Variants in AIG1 observed in about 807,000 individuals in gnomAD.
AIG1 encodes the protein androgen-induced gene 1 protein.
In AIG1, 23 loss-of-function variants were observed where a neutral mutation model predicts 31.4. The observed-to-expected ratio is 0.73, with a 90% CI of 0.53 to 1.04. The LOEUF is 1.04. AIG1 is among the 50% of genes least tolerant of loss of function. The pLI is 0.00. For missense variants in AIG1, 274 were observed against 295.0 expected (o/e 0.93, Z 0.52); for synonymous variants, 100 against 110.5 (o/e 0.90, Z 0.60).
chr6:143,232,390 C>T (rs1003134929), intron 3 of AIG1, among the ~76,000 whole-genome samples: 3 of 152,130 alleles, frequency 2.0e-5, no homozygotes, highest in African/African-American at 4.8e-5. Flanking sequence ...CCATGAAGTG[C>T]GGTTCTTAGT....
At chr6:143,221,576 G>T (rs182626191) in intron 3 of AIG1, among the ~76,000 whole-genome samples, 2 of 152,258 alleles carry the variant, frequency 1.3e-5, no homozygotes, top group East Asian at 3.9e-4. Context: ...TGTGAGCCAA[G>T]AATTGTTCTA....
At chr6:143,119,111 G>T (rs1205121994) in intron 1 of AIG1, among the ~76,000 whole-genome samples, 1 of 151,848 alleles carries the variant, frequency 6.6e-6, no homozygotes, top group East Asian at 1.9e-4. Context: ...TAGGCCCAAG[G>T]GATCCACCCT....
intron 3 of AIG1, among the ~76,000 whole-genome samples, chr6:143,259,580 A>AT (rs1795604493): frequency 1.3e-5 from 2 of 152,186 alleles, no homozygotes; most frequent in South Asian, 4.1e-4. Context: ...TTATAGCTGC[A>AT]TTTATCACCT....
At chr6:143,192,231 C>T (rs919870143) in intron 3 of AIG1, among the ~76,000 whole-genome samples, 4 of 152,166 alleles carry the variant, frequency 2.6e-5, no homozygotes, top group African/African-American at 7.2e-5. Context: ...GGGCCTCTGC[C>T]GCCATGCATG....
Position 143,165,132 on chromosome 6 carries a change from A to G in AIG1, c.348A>G (p.Ile116Met). ...TTTATGCCTATGACAGAGAGATGAT[A>G]TACCCGAAGCTGCTGGATAATTTTA... The part of the protein sequence containing the change: ...WIIYAYDREM[I>M]YPKLLDNFIP... The change falls in exon 3 of 6, where the codon ATA becomes ATG. Residue 116 changes from isoleucine (I) to methionine (M), a missense_variant. Transcript: ENST00000357847. 1.2e-6 allele frequency: 2 copies of G among 1,613,712 alleles called. No homozygotes were observed. The highest frequency in any genetic ancestry group is 2.2e-5 in the South Asian group (2 of 91,080).
At chr6:143,310,857 C>A (rs1775210552) in intron 4 of AIG1, among the ~76,000 whole-genome samples, 1 of 151,684 alleles carries the variant, frequency 6.6e-6, no homozygotes, top group Non-Finnish European at 1.5e-5. Context: ...TAAAATGGAT[C>A]AAGTCCTGGA....
intron 2 of AIG1, among the ~76,000 whole-genome samples, chr6:143,159,964 T>G (rs1039449456): frequency 1.3e-5 from 2 of 152,204 alleles, no homozygotes; most frequent in Admixed American, 1.3e-4. Context: ...AAAAGAAATC[T>G]GGAAGCAAGG....
chr6:143,205,620 C>T (rs1791051063), intron 3 of AIG1, among the ~76,000 whole-genome samples: 1 of 152,160 alleles, frequency 6.6e-6, no homozygotes, highest in Non-Finnish European at 1.5e-5. Context: ...TTCAGGATAG[C>T]TGAATTTGGA....
chr6:143,179,707 A>C (rs1788540243), intron 3 of AIG1, among the ~76,000 whole-genome samples: 1 of 152,238 alleles, frequency 6.6e-6, no homozygotes, highest in South Asian at 2.1e-4. Flanking sequence ...AGAAGAAATG[A>C]GTAAATCGAT....
intron 2 of AIG1, among the ~76,000 whole-genome samples, chr6:143,156,337 T>TTC (rs10649719): frequency 0.46 from 69,419 of 151,376 alleles, 16,332 homozygotes; most frequent in Admixed American, 0.61. Flanking sequence ...AACCATGGAG[T>TTC]ATCTTCTTAA....
intron 3 of AIG1, among the ~76,000 whole-genome samples, chr6:143,237,944 A>AT (rs1562515805): frequency 1.3e-5 from 2 of 151,894 alleles, no homozygotes; most frequent in East Asian, 1.9e-4. Flanking sequence ...TTATTTATTT[A>AT]TTTTTTATTT....
intron 3 of AIG1, among the ~76,000 whole-genome samples, chr6:143,226,544 T>A (rs1172731758): frequency 6.6e-6 from 1 of 152,138 alleles, no homozygotes. Flanking sequence ...ACACCCGTCC[T>A]CTTCTTAACT....
intron 4 of AIG1, among the ~76,000 whole-genome samples, chr6:143,289,767 C>T (rs1376982746): frequency 6.6e-6 from 1 of 152,040 alleles, no homozygotes; most frequent in African/African-American, 2.4e-5. Flanking sequence ...AATTCTCAAA[C>T]ATAAAAATAA....
At chr6:143,111,998 A>C (rs1781317505) in intron 1 of AIG1, among the ~76,000 whole-genome samples, 1 of 152,196 alleles carries the variant, frequency 6.6e-6, no homozygotes, top group Non-Finnish European at 1.5e-5. Flanking sequence ...ATCTGCTTTC[A>C]AGATGATCTT....
At chr6:143,150,555 G>T (rs1785114934) in intron 2 of AIG1, among the ~76,000 whole-genome samples, 1 of 152,128 alleles carries the variant, frequency 6.6e-6, no homozygotes, top group South Asian at 2.1e-4. Flanking sequence ...CCATTAGGGT[G>T]GGAAAACTAC....
chr6:143,114,803 A>G (rs550719239), intron 1 of AIG1, among the ~76,000 whole-genome samples: 1 of 152,298 alleles, frequency 6.6e-6, no homozygotes, highest in South Asian at 2.1e-4. Flanking sequence ...GTGTTTTAAT[A>G]AATTTGAGGT....
intron 4 of AIG1, among the ~76,000 whole-genome samples, chr6:143,287,312 ATTATC>A (rs1293142318): frequency 1.3e-5 from 2 of 152,090 alleles, no homozygotes; most frequent in African/African-American, 2.4e-5. Context: ...CAGTTCAAAT[ATTATC>A]TTATTTAGTT....
intron 2 of AIG1, among the ~76,000 whole-genome samples, chr6:143,156,313 A>T (rs942307310): frequency 7.0e-6 from 1 of 143,478 alleles, no homozygotes; most frequent in Non-Finnish European, 1.5e-5. Flanking sequence ...ATGGGGTTCT[A>T]TGGAGCACTT....
Position 143,284,356 on chromosome 6 carries a change from C to A in AIG1, c.515+131C>A. ...TGCCGCATTTGGTCCAAGACCTGGG[C>A]TTTGTCTCGTTTCCCCAGATGCTTA... On this transcript the variant is annotated intron_variant, in intron 4 of 5. Transcript: ENST00000357847. The surrounding 1 kb of genome is among the most constrained non-coding windows in gnomAD (Gnocchi z 4.4). The A allele has an allele frequency of 1.6e-6, 1 of 615,600 alleles. No homozygotes were observed. Among genetic ancestry groups the A allele is most frequent in the Non-Finnish European group, 2.8e-6 (1 of 355,810 alleles). 38.1% of individuals were successfully genotyped at this position (615,600 alleles called of 1,614,324 possible). A position where few individuals can be genotyped will look rare whatever the true frequency, so the allele number is the denominator to read the frequency against.
Sources: allele counts gnomAD v4.1 joint callset (sites outside exome capture counted in the v4.1 genomes callset), GRCh38; gene constraint gnomAD v4.1.1; non-coding constraint Gnocchi (gnomAD v3.1); transcripts MANE v1.5; gene names NCBI Gene and HGNC (gene_info 2026-07-23, HGNC 2026-07-21).